PARP15: variants seen among roughly 807,000 people sequenced by gnomAD.
PARP15 encodes the protein poly(ADP-ribose) polymerase family member 15, also known as protein mono-ADP-ribosyltransferase PARP15.
A neutral mutation model predicts 62.1 loss-of-function variants in PARP15; 50 were observed. That is an observed-to-expected ratio of 0.81 (90% confidence interval 0.64 to 1.02). PARP15 has a LOEUF of 1.02. Among genes scored for constraint, PARP15 ranks in the 50% least tolerant of loss-of-function variants. PARP15 has a pLI of 0.00. For synonymous variants in PARP15, 309 were observed against 293.1 expected, an observed-to-expected ratio of 1.05 and a Z score of -0.55; for missense variants, 820 against 826.5, an observed-to-expected ratio of 0.99 and a Z score of 0.10.
chr3:122,604,971 G>A (rs1316299665), intron 1 of PARP15, among the ~76,000 whole-genome samples: 2 of 152,214 alleles, frequency 1.3e-5, no homozygotes, highest in Non-Finnish European at 2.9e-5. Flanking sequence ...GGGAGGCAGA[G>A]GTTGCAGTGA....
intron 9 of PARP15, among the ~76,000 whole-genome samples, chr3:122,629,834 A>G (rs1280844665): frequency 6.6e-6 from 1 of 152,178 alleles, no homozygotes; most frequent in African/African-American, 2.4e-5. Flanking sequence ...TTGCATGCAC[A>G]GTTCACAATA....
intron 6 of PARP15, among the ~76,000 whole-genome samples, chr3:122,618,688 G>T (rs1266096586): frequency 1.3e-5 from 2 of 152,172 alleles, no homozygotes; most frequent in African/African-American, 4.8e-5. Context: ...AGAACCAGAG[G>T]GATTTTGGAC....
chr3:122,596,429 C>T (rs1345514993), intron 1 of PARP15, among the ~76,000 whole-genome samples: 2 of 151,668 alleles, frequency 1.3e-5, no homozygotes, highest in African/African-American at 2.4e-5. Context: ...CTCTCCACCC[C>T]ACCTCATCAA....
At position 122,635,106 on chromosome 3, in the gene PARP15, T is replaced by C. The variant is rs1553738891; in HGVS notation, c.1659T>C (p.Asn553=). The change falls in exon 11 of 12, where the codon AAT becomes AAC. Residue 553 remains asparagine, a synonymous_variant. Transcript: ENST00000464300. ...QMDIKNDHKN[N]ERLLFHGTDA... ...ATATCAAGAATGACCATAAGAATAA[T>C]GAGAGACTCCTCTTCCATGGGACAG... 3 of 1,613,986 alleles carry C rather than the reference T, an allele frequency of 1.9e-6. No homozygotes were observed. Among genetic ancestry groups the C allele is most frequent in the South Asian group, 1.1e-5 (1 of 91,074 alleles).
At position 122,632,113 on chromosome 3, in the gene PARP15, T is replaced by C; in HGVS notation, c.1466T>C (p.Met489Thr). 1.9e-6 allele frequency: 3 copies of C among 1,614,062 alleles called. No homozygotes were observed. The highest frequency in any genetic ancestry group is 2.5e-6 in the Non-Finnish European group (3 of 1,179,972). ...AATCTTCCTGAACACTGGACTGACA[T>C]GAATCATCAGCTGTTTTGCATGGTC... is the stretch of plus-strand genomic sequence containing the variant. ...TCNLPEHWTDMNHQLFCMVQL... is the reference protein window; with the variant it reads ...TCNLPEHWTDTNHQLFCMVQL... Residue 489 changes from methionine (M) to threonine (T), a missense_variant, in exon 10 of 12, where the codon ATG becomes ACG. Around this residue, in one of 3 missense-constraint regions of PARP15, gnomAD observed 731 missense variants for 727.7 expected, o/e 1.00. Coordinates refer to ENST00000464300, the MANE Select transcript of PARP15 (RefSeq NM_001113523.3).
intron 1 of PARP15, among the ~76,000 whole-genome samples, chr3:122,596,484 T>C (rs1229846067): frequency 6.6e-6 from 1 of 150,688 alleles, no homozygotes; most frequent in African/African-American, 2.4e-5. Flanking sequence ...ATAGCAACTC[T>C]ATCCTCCTAG....
rs139026005 is a variant in PARP15, at chr3:122,614,891, G to C, written c.772-888G>C. 4.1e-3 allele frequency among the ~76,000 whole-genome samples: 624 copies of C among 152,004 alleles called. 3 individuals are homozygous for C. Among genetic ancestry groups the C allele is most frequent in the African/African-American group, 0.013 (551 of 41,502 alleles). Reference sequence around the variant, plus strand: ...AAAAAATACAAAAAATTAGCCGGGCGTGGTGGTGTACATCTGTAGTCCCAG... The same window carrying C: ...AAAAAATACAAAAAATTAGCCGGGCCTGGTGGTGTACATCTGTAGTCCCAG... On this transcript the variant is annotated intron_variant, in intron 4 of 11. Coordinates refer to ENST00000464300, the MANE Select transcript of PARP15 (RefSeq NM_001113523.3).
intron 1 of PARP15, among the ~76,000 whole-genome samples, chr3:122,588,358 A>AT (rs35662109): frequency 0.56 from 83,700 of 149,604 alleles, 23,903 homozygotes; most frequent in South Asian, 0.66. Flanking sequence ...TGGTTTATTG[A>AT]TTTTTTTTTT....
In PARP15 at chr3:122,619,802, A is replaced by G. The variant is rs1936224796; in HGVS notation, c.1022A>G (p.Glu341Gly). The G allele has an allele frequency of 6.2e-7, 1 of 1,613,534 alleles. No homozygotes were observed. The highest frequency in any genetic ancestry group is 8.5e-7 in the Non-Finnish European group (1 of 1,179,424). ...RKSGVSRAIL[E>G]GAGQAVESEC... ...TTAGGTGTGTCAAGAGCTATTTTAG[A>G]AGGTGCTGGACAAGCTGTGGAAAGT... The change falls in exon 7 of 12, where the codon GAA (glutamate) becomes GGA (glycine). Residue 341 changes from glutamate (E) to glycine (G), a missense_variant. Coordinates refer to ENST00000464300, the MANE Select transcript of PARP15 (RefSeq NM_001113523.3).
chr3:122,594,063 C>T (rs1576487035), intron 1 of PARP15, among the ~76,000 whole-genome samples: 1 of 152,154 alleles, frequency 6.6e-6, no homozygotes, highest in East Asian at 1.9e-4. Context: ...GATTGAATGA[C>T]ATATTCACAG....
chr3:122,601,099 C>G (rs1576499416), intron 1 of PARP15, among the ~76,000 whole-genome samples: 1 of 131,292 alleles, frequency 7.6e-6, no homozygotes, highest in Non-Finnish European at 1.5e-5. Flanking sequence ...TGGAGTGCAG[C>G]GGTGCGATCT....
In PARP15 at chr3:122,601,999, A is replaced by G. The variant is rs546105543; in HGVS notation, c.187-3937A>G. On this transcript the variant is annotated intron_variant, in intron 1 of 11. Transcript: ENST00000464300. ...TTAATTTGTACTGAGTTTACTGCCA[A>G]TCAGGATCCCTTAGACGTTTTTATA... Among the ~76,000 whole-genome samples, 7 of 152,128 alleles carry G rather than the reference A, an allele frequency of 4.6e-5. No homozygotes were observed. The South Asian group carries it at 1.2e-3, about 27-fold the overall frequency.
At chr3:122,592,870 A>G (rs982706068) in intron 1 of PARP15, among the ~76,000 whole-genome samples, 5 of 152,250 alleles carry the variant, frequency 3.3e-5, no homozygotes, top group East Asian at 3.9e-4. Context: ...TAAGCCTTAC[A>G]CTAAATGGCC....
At chr3:122,622,483 G>A (rs1473390989) in intron 8 of PARP15, among the ~76,000 whole-genome samples, 3 of 152,188 alleles carry the variant, frequency 2.0e-5, no homozygotes, top group Non-Finnish European at 2.9e-5. Context: ...TTCTTCCAGA[G>A]AGTTGTTGAA....
intron 9 of PARP15, among the ~76,000 whole-genome samples, chr3:122,630,521 C>CA (rs1166135565): frequency 8.0e-5 from 12 of 149,870 alleles, no homozygotes; most frequent in African/African-American, 2.0e-4. Flanking sequence ...CTCATCTCTA[C>CA]AAAAAAAAAT....
chr3:122,594,537 G>C, intron 1 of PARP15: 1 of 982,816 alleles, frequency 1.0e-6, no homozygotes, highest in Non-Finnish European at 1.2e-6. Flanking sequence ...AAAGATTGCT[G>C]TGTATTCAGG....
chr3:122,614,538 T>G (rs1191239620), intron 4 of PARP15, among the ~76,000 whole-genome samples: 2 of 152,172 alleles, frequency 1.3e-5, no homozygotes, highest in Non-Finnish European at 2.9e-5. Context: ...GGTTCTTAGT[T>G]TTTTTCCCCC....
intron 1 of PARP15, among the ~76,000 whole-genome samples, chr3:122,580,003 A>ATATGTG (rs1186850532): frequency 1.1e-5 from 1 of 94,242 alleles, no homozygotes; most frequent in African/African-American, 3.8e-5. Flanking sequence ...CTATATGTAT[A>ATATGTG]TATATATATA....
At chr3:122,627,307 C>T (rs1010018082) in intron 9 of PARP15, among the ~76,000 whole-genome samples, 4 of 152,148 alleles carry the variant, frequency 2.6e-5, no homozygotes, top group Admixed American at 6.5e-5. Flanking sequence ...GGGGAGGAGG[C>T]TTTGCAAATT....
Sources: gnomAD v4.1 joint callset for allele counts (sites outside exome capture counted in the v4.1 genomes callset) on GRCh38, gnomAD v4.1.1 for gene constraint, gnomAD v4.1.1 regional missense constraint, MANE v1.5 for transcripts, NCBI Gene and HGNC (gene_info 2026-07-23, HGNC 2026-07-21) for gene names.